Variants in ADD3 observed in about 807,000 individuals in gnomAD.
The protein encoded by ADD3 is gamma-adducin.
A neutral mutation model predicts 80.2 loss-of-function variants in ADD3; 25 were observed. That is an observed-to-expected ratio of 0.31 (90% CI 0.23 to 0.44). The LOEUF is 0.44. Among genes scored for constraint, ADD3 ranks in the 20% least tolerant of loss-of-function variants. The pLI is 1.00. For missense variants in ADD3, 829 were observed against 847.5 expected, an observed-to-expected ratio of 0.98 and a Z score of 0.27; for synonymous variants, 284 against 289.6, an observed-to-expected ratio of 0.98 and a Z score of 0.20.
intron 1 of ADD3, among the ~76,000 whole-genome samples, chr10:110,050,222 C>G (rs1160268868): frequency 6.6e-6 from 1 of 152,128 alleles, no homozygotes; most frequent in African/African-American, 2.4e-5. Context: ...AATGATATGG[C>G]TTGGCTGTGT....
intron 1 of ADD3, among the ~76,000 whole-genome samples, chr10:110,083,332 C>T (rs758880331): frequency 2.0e-5 from 3 of 151,936 alleles, no homozygotes; most frequent in Non-Finnish European, 4.4e-5. Flanking sequence ...CTGGCTAACA[C>T]GGTGAAACCC....
chr10:110,130,009 G>C (rs1400738384), intron 12 of ADD3, among the ~76,000 whole-genome samples: 1 of 151,968 alleles, frequency 6.6e-6, no homozygotes, highest in Non-Finnish European at 1.5e-5. Flanking sequence ...ATTTCTGTAA[G>C]CCTTTTTTAC....
chr10:110,049,961 T>C (rs1285779106), intron 1 of ADD3, among the ~76,000 whole-genome samples: 1 of 152,112 alleles, frequency 6.6e-6, no homozygotes, highest in Non-Finnish European at 1.5e-5. Flanking sequence ...GCCCCTTTGT[T>C]TTTGTCAGTT....
chr10:110,127,537 A>G (rs908972086), intron 12 of ADD3, among the ~76,000 whole-genome samples: 8 of 152,224 alleles, frequency 5.3e-5, no homozygotes, highest in Non-Finnish European at 1.0e-4. Context: ...GAATCACTCG[A>G]ACCCGGGAGG....
At chr10:110,115,366 G>A (rs1850592841) in intron 3 of ADD3, among the ~76,000 whole-genome samples, 1 of 151,670 alleles carries the variant, frequency 6.6e-6, no homozygotes, top group Admixed American at 6.6e-5. Context: ...TCAAACCTGG[G>A]CAACAAGAGT....
intron 1 of ADD3, among the ~76,000 whole-genome samples, chr10:110,023,651 G>T (rs1236443900): frequency 6.6e-6 from 1 of 152,156 alleles, no homozygotes; most frequent in Non-Finnish European, 1.5e-5. Flanking sequence ...GATTCAGCAA[G>T]TCTTGAAGGT....
At chr10:110,114,771 G>A (rs540980149) in intron 3 of ADD3, among the ~76,000 whole-genome samples, 1 of 152,240 alleles carries the variant, frequency 6.6e-6, no homozygotes, top group East Asian at 1.9e-4. Flanking sequence ...TTATTGCGTT[G>A]TAGGCACTTG....
At chr10:110,076,015 G>C (rs193300640) in intron 1 of ADD3, among the ~76,000 whole-genome samples, 35 of 152,306 alleles carry the variant, frequency 2.3e-4, no homozygotes, top group African/African-American at 6.5e-4. Context: ...CTCTTGGCTA[G>C]AGTAACATGA....
Position 110,134,393 on chromosome 10 carries a change from A to G in ADD3, c.*775A>G, listed in dbSNP as rs1853441604. ...ATACCGTTCAGTATAAAAGTGTCCT[A>G]AGCATATTAGCCAATCTTTTCACAG... On this transcript the variant is annotated 3_prime_UTR_variant, in exon 15 of 15. Transcript: ENST00000356080. The G allele has an allele frequency of 6.6e-6, 1 of 152,556 alleles. No homozygotes were observed. The highest frequency in any genetic ancestry group is 1.5e-5 in the Non-Finnish European group (1 of 68,012). The allele number at this position is 152,556 out of a possible 1,614,324, so 9.5% of individuals were successfully genotyped here. A position where few individuals can be genotyped will look rare whatever the true frequency, so the allele number is the denominator to read the frequency against.
intron 2 of ADD3, among the ~76,000 whole-genome samples, chr10:110,110,112 A>C (rs1242858586): frequency 2.0e-5 from 3 of 152,248 alleles, no homozygotes; most frequent in African/African-American, 7.2e-5. Flanking sequence ...TGCTCCATGA[A>C]CTTAGGATTC....
intron 1 of ADD3, among the ~76,000 whole-genome samples, chr10:110,090,518 G>A (rs1402947523): frequency 6.6e-6 from 1 of 152,088 alleles, no homozygotes; most frequent in African/African-American, 2.4e-5. Flanking sequence ...ACCATGCCCA[G>A]CCCCTACTTG....
chr10:110,111,624 A>C (rs1564997954), intron 2 of ADD3, among the ~76,000 whole-genome samples: 1 of 152,160 alleles, frequency 6.6e-6, no homozygotes, highest in South Asian at 2.1e-4. Context: ...CCATTAAAAA[A>C]CTGTCATTTA....
intron 1 of ADD3, among the ~76,000 whole-genome samples, chr10:110,029,449 T>A (rs556093945): frequency 6.6e-6 from 1 of 152,230 alleles, no homozygotes; most frequent in Admixed American, 6.5e-5. Flanking sequence ...TGTATAACAA[T>A]GTGTTCTGAA....
chr10:110,002,398 T>C (rs1319505863), upstream of ADD3, among the ~76,000 whole-genome samples: 1 of 151,934 alleles, frequency 6.6e-6, no homozygotes, highest in African/African-American at 2.4e-5. Flanking sequence ...CTCAGCCTCC[T>C]GAGTAGCTGG....
At chr10:110,095,441 A>G (rs1385137077) in intron 1 of ADD3, among the ~76,000 whole-genome samples, 1 of 152,222 alleles carries the variant, frequency 6.6e-6, no homozygotes, top group Non-Finnish European at 1.5e-5. Flanking sequence ...TTTTCTAAAC[A>G]TTTCATATAA....
intron 1 of ADD3, among the ~76,000 whole-genome samples, chr10:110,089,569 A>G (rs1348013046): frequency 6.6e-6 from 1 of 152,110 alleles, no homozygotes; most frequent in Non-Finnish European, 1.5e-5. Context: ...TGTTCATTAT[A>G]TTTTGTAGAA....
At chr10:110,116,678 A>G (rs1286343432) in intron 4 of ADD3, among the ~76,000 whole-genome samples, 6 of 152,224 alleles carry the variant, frequency 3.9e-5, no homozygotes, top group Non-Finnish European at 8.8e-5. Flanking sequence ...TCCTTCTGGC[A>G]AAATTGTCCC....
chr10:110,090,464 G>A (rs982035903), intron 1 of ADD3, among the ~76,000 whole-genome samples: 7 of 152,128 alleles, frequency 4.6e-5, no homozygotes, highest in East Asian at 1.9e-4. Context: ...CAGGCAGTCC[G>A]CCTACCTTGG....
At chr10:110,056,167 G>A (rs1364864236) in intron 1 of ADD3, among the ~76,000 whole-genome samples, 2 of 152,144 alleles carry the variant, frequency 1.3e-5, no homozygotes, top group Admixed American at 6.5e-5. Context: ...TGGCTCTTGG[G>A]TTTAGGGAAA....
Sources: gnomAD v4.1 joint callset for allele counts (sites outside exome capture counted in the v4.1 genomes callset) on GRCh38, gnomAD v4.1.1 for gene constraint, MANE v1.5 for transcripts, NCBI Gene and HGNC (gene_info 2026-07-23, HGNC 2026-07-21) for gene names.